Variants in GRID1 observed in about 807,000 individuals in gnomAD.
The protein encoded by GRID1 is glutamate ionotropic receptor delta type subunit 1.
A neutral mutation model predicts 98.0 loss-of-function variants in GRID1; 28 were observed. The ratio of observed to expected loss-of-function variants is 0.29; its 90% CI spans 0.21 to 0.39. GRID1 has a LOEUF of 0.39. GRID1 is among the 10% of genes least tolerant of loss of function. The probability of loss-of-function intolerance (pLI) is 1.00; values close to 1 mark genes in which losing one functional copy is unlikely to be tolerated. For synonymous variants in GRID1, 553 were observed against 538.5 expected (o/e 1.03, Z -0.37); for missense variants, 1,111 against 1,340.5 (o/e 0.83, Z 2.67).
At chr10:85,987,079 C>A (rs61855989) in intron 4 of GRID1, among the ~76,000 whole-genome samples, 8,514 of 152,124 alleles carry the variant, frequency 0.056, 302 homozygotes, top group Middle Eastern at 0.092. Flanking sequence ...GAAGGGGACA[C>A]CACGGGCACC....
At chr10:85,915,841 CA>C (rs1264999362) in intron 5 of GRID1, among the ~76,000 whole-genome samples, 2 of 152,146 alleles carry the variant, frequency 1.3e-5, no homozygotes, top group Non-Finnish European at 2.9e-5. Context: ...TCCTTTGCCC[CA>C]CCCCCTCTGC....
chr10:85,858,683 G>A (rs1370470676), intron 6 of GRID1, among the ~76,000 whole-genome samples: 2 of 152,072 alleles, frequency 1.3e-5, no homozygotes, highest in African/African-American at 2.4e-5. Flanking sequence ...AATCCTTAAC[G>A]ATGGGAAGAT....
At position 86,195,383 on chromosome 10, in the gene GRID1, T is replaced by C. The variant is rs980787830; in HGVS notation, c.520+10981A>G. On this transcript the variant is annotated intron_variant, in intron 3 of 15. Transcript: ENST00000327946. The surrounding 1 kb of genome is among the most constrained non-coding windows in gnomAD (Gnocchi z 4.4). ...CTGCTTCCTCCCACCCTGTAACCTG[T>C]GGCTGCCAGAATAGCATGACCACAG... Among the ~76,000 whole-genome samples the C allele has an allele frequency of 6.6e-6, 1 of 152,138 alleles. No individual in the cohort carries two copies.
intron 3 of GRID1, among the ~76,000 whole-genome samples, chr10:86,147,807 G>A (rs543900826): frequency 2.6e-5 from 4 of 152,198 alleles, no homozygotes; most frequent in South Asian, 2.1e-4. Context: ...CCAGAACCCC[G>A]ACCACATTTT....
rs79933305 is a variant in GRID1 at position 85,647,191 on chromosome 10, C to T, written c.2193+11G>A. ...TACAGTGCACGTGCCCAAGCGCCAG[C>T]TCCTGCCTACCTTCCTGATGCCTTC... On this transcript the variant is annotated intron_variant, in intron 13 of 15. Transcript: ENST00000327946. 128 of 1,612,838 alleles carry T rather than the reference C, an allele frequency of 7.9e-5. 1 individual carries two copies. In the East Asian group the frequency reaches 2.7e-3, roughly 34 times the overall value.
intron 4 of GRID1, among the ~76,000 whole-genome samples, chr10:86,024,546 C>T (rs1462536127): frequency 2.0e-5 from 3 of 152,202 alleles, no homozygotes; most frequent in Admixed American, 6.5e-5. Flanking sequence ...AAAGTCACTG[C>T]GAGGAGCCTC....
At chr10:85,746,033 A>C (rs148043047) in intron 8 of GRID1, among the ~76,000 whole-genome samples, 216 of 152,114 alleles carry the variant, frequency 1.4e-3, no homozygotes, top group African/African-American at 4.9e-3. Context: ...CTTTCCAACT[A>C]CTCCTCCTTA....
chr10:86,223,356 C>T (rs112434073), intron 2 of GRID1, among the ~76,000 whole-genome samples: 21 of 152,354 alleles, frequency 1.4e-4, no homozygotes, highest in African/African-American at 4.3e-4. Flanking sequence ...CCAGGACACA[C>T]ACCAGAGAAG....
intron 2 of GRID1, among the ~76,000 whole-genome samples, chr10:86,245,276 C>T (rs74319952): frequency 0.024 from 3,682 of 152,312 alleles, 51 homozygotes; most frequent in Middle Eastern, 0.041. Flanking sequence ...AAACCCCTTA[C>T]GGCAAGTGGG....
At chr10:86,241,677 T>C (rs538628360) in intron 2 of GRID1, among the ~76,000 whole-genome samples, 1 of 152,390 alleles carries the variant, frequency 6.6e-6, no homozygotes, top group South Asian at 2.1e-4. Context: ...CATCAGTGAA[T>C]AATAGGAATG....
intron 2 of GRID1, among the ~76,000 whole-genome samples, chr10:86,285,618 G>C (rs1430181589): frequency 3.3e-5 from 5 of 152,186 alleles, no homozygotes; most frequent in Admixed American, 3.3e-4. Context: ...GCCCACACAG[G>C]GCTTCCAGGA....
chr10:86,292,661 T>A (rs1847531743), intron 2 of GRID1, among the ~76,000 whole-genome samples: 1 of 152,026 alleles, frequency 6.6e-6, no homozygotes, highest in Non-Finnish European at 1.5e-5. Flanking sequence ...CATGTGAATG[T>A]GAGGAGTGTG....
chr10:86,155,434 G>C (rs1242634324), intron 3 of GRID1, among the ~76,000 whole-genome samples: 1 of 152,230 alleles, frequency 6.6e-6, no homozygotes, highest in Admixed American at 6.5e-5. Context: ...TTCTGAGTCA[G>C]AGTTTTCATT....
At chr10:85,757,055 G>A (rs962093929) in intron 8 of GRID1, among the ~76,000 whole-genome samples, 4 of 152,140 alleles carry the variant, frequency 2.6e-5, no homozygotes, top group Non-Finnish European at 4.4e-5. Context: ...CTTCTAAAAT[G>A]TACCTGAGTT....
intron 2 of GRID1, among the ~76,000 whole-genome samples, chr10:86,229,675 G>C (rs960860825): frequency 1.3e-5 from 2 of 152,150 alleles, no homozygotes; most frequent in East Asian, 3.9e-4. Flanking sequence ...GCACTGCCTG[G>C]AGTTCAACTC....
chr10:86,177,815 A>G (rs116490217), intron 3 of GRID1, among the ~76,000 whole-genome samples: 2,292 of 151,882 alleles, frequency 0.015, 70 homozygotes, highest in African/African-American at 0.053. Flanking sequence ...ACTTTAGCGT[A>G]TGCACGCGTG....
At chr10:85,952,559 T>A (rs532870656) in intron 4 of GRID1, among the ~76,000 whole-genome samples, 9 of 152,326 alleles carry the variant, frequency 5.9e-5, no homozygotes, top group African/African-American at 2.2e-4. Flanking sequence ...ACCCATTTTT[T>A]AAGGAGATTT....
chr10:86,111,264 G>A (rs1844478059), intron 4 of GRID1, among the ~76,000 whole-genome samples: 1 of 152,190 alleles, frequency 6.6e-6, no homozygotes, highest in South Asian at 2.1e-4. Context: ...GCCACAGCAA[G>A]TCACAGGGTT....
At chr10:86,146,043 A>G (rs1845085271) in intron 3 of GRID1, among the ~76,000 whole-genome samples, 1 of 152,202 alleles carries the variant, frequency 6.6e-6, no homozygotes, top group Non-Finnish European at 1.5e-5. Flanking sequence ...TATTTTTAAT[A>G]CTTTCTTTCT....
Sources: allele counts gnomAD v4.1 joint callset (sites outside exome capture counted in the v4.1 genomes callset), GRCh38; gene constraint gnomAD v4.1.1; non-coding constraint Gnocchi (gnomAD v3.1); transcripts MANE v1.5; gene names NCBI Gene and HGNC (gene_info 2026-07-23, HGNC 2026-07-21).